The following NCAM2 variants were observed in gnomAD, a reference collection of about 807,000 sequenced individuals.
The protein encoded by NCAM2 is N-CAM-2.
NCAM2 carries 30 observed loss-of-function variants against 98.1 expected under a neutral mutation model. That is an observed-to-expected ratio of 0.31 (90% CI 0.23 to 0.41). NCAM2 has a LOEUF of 0.41. NCAM2 is among the 10% of genes least tolerant of loss of function. The pLI is 1.00. For synonymous variants in NCAM2, 368 were observed against 342.4 expected (o/e 1.07, Z -0.83); for missense variants, 867 against 1,005.8 (o/e 0.86, Z 1.87).
At chr21:21,066,023 AGG>A (rs1309997658) in intron 1 of NCAM2, among the ~76,000 whole-genome samples, 1 of 152,174 alleles carries the variant, frequency 6.6e-6, no homozygotes, top group Admixed American at 6.5e-5. Context: ...TTTACTGAGC[AGG>A]GAGTGTCCTT....
chr21:21,205,656 A>C lies in NCAM2; in HGVS notation c.56-74922A>C, dbSNP rs539781946. ...TTAATTTTTTTTAAGGAAAAACTTT[A>C]AACTTTCAAGAAATGTTAGGAGTGA... On this transcript the variant is annotated intron_variant, in intron 1 of 17. Transcript: ENST00000400546. 4.6e-5 allele frequency among the ~76,000 whole-genome samples: 7 copies of C among 152,296 alleles called. No individual in the cohort carries two copies. The South Asian group carries it at 1.4e-3, about 32-fold the overall frequency.
intron 1 of NCAM2, among the ~76,000 whole-genome samples, chr21:21,032,610 C>T (rs1038964221): frequency 6.6e-6 from 1 of 152,116 alleles, no homozygotes; most frequent in Non-Finnish European, 1.5e-5. Flanking sequence ...CATCTAAATT[C>T]TTCATTTGCC....
In NCAM2 at chr21:21,492,098, T is replaced by G. The variant is rs1779278513; in HGVS notation, c.2077+14627T>G. Among the ~76,000 whole-genome samples, 3 of 151,806 alleles carry G rather than the reference T, an allele frequency of 2.0e-5. No homozygotes were observed. In the South Asian group the frequency reaches 6.2e-4, roughly 31 times the overall value. On this transcript the variant is annotated intron_variant, in intron 15 of 17. Coordinates refer to ENST00000400546, the MANE Select transcript of NCAM2 (RefSeq NM_004540.5). ...GCCATTGTGAAGAAACTAAAGAGAT[T>G]TGAGAAAATCTGAAGCTATTATAAC...
chr21:21,148,677 A>G (rs1001534035), intron 1 of NCAM2, among the ~76,000 whole-genome samples: 1 of 152,180 alleles, frequency 6.6e-6, no homozygotes, highest in African/African-American at 2.4e-5. Context: ...AGAAGTATTC[A>G]TAAGTACTTA....
intron 1 of NCAM2, among the ~76,000 whole-genome samples, chr21:21,068,020 A>G (rs2065476276): frequency 6.6e-6 from 1 of 152,024 alleles, no homozygotes. Flanking sequence ...TAACTTTCTG[A>G]TTGAGGAACT....
At chr21:21,024,416 T>G (rs1250922867) in intron 1 of NCAM2, among the ~76,000 whole-genome samples, 1 of 152,174 alleles carries the variant, frequency 6.6e-6, no homozygotes, top group African/African-American at 2.4e-5. Context: ...ATTGAAGTAT[T>G]TATTTATAAA....
At chr21:21,186,496 G>A (rs1313488214) in intron 1 of NCAM2, among the ~76,000 whole-genome samples, 3 of 152,040 alleles carry the variant, frequency 2.0e-5, no homozygotes, top group African/African-American at 4.8e-5. Flanking sequence ...AGCTAACACT[G>A]CTAATGGATA....
intron 1 of NCAM2, among the ~76,000 whole-genome samples, chr21:21,199,146 C>G (rs2826730): frequency 0.1 from 15,636 of 152,192 alleles, 1,113 homozygotes; most frequent in Non-Finnish European, 0.15. Flanking sequence ...AGAGTCAGTC[C>G]TCCTCCACTT....
At chr21:21,237,913 A>G (rs1347094648) in intron 1 of NCAM2, among the ~76,000 whole-genome samples, 1 of 134,052 alleles carries the variant, frequency 7.5e-6, no homozygotes, top group Admixed American at 7.4e-5. Context: ...AGAATCTTTC[A>G]TTTCTTTGTT....
At chr21:21,038,397 G>A (rs1193542599) in intron 1 of NCAM2, among the ~76,000 whole-genome samples, 1 of 152,116 alleles carries the variant, frequency 6.6e-6, no homozygotes, top group African/African-American at 2.4e-5. Context: ...GTTTGGCTGT[G>A]TCCCCACATA....
At chr21:21,129,714 A>G (rs1303411230) in intron 1 of NCAM2, among the ~76,000 whole-genome samples, 2 of 152,070 alleles carry the variant, frequency 1.3e-5, no homozygotes, top group Non-Finnish European at 1.5e-5. Flanking sequence ...TAATACTATC[A>G]TGTGGGGGAT....
intron 1 of NCAM2, among the ~76,000 whole-genome samples, chr21:21,018,246 A>G (rs555294249): frequency 3.9e-5 from 6 of 152,326 alleles, no homozygotes; most frequent in Admixed American, 2.0e-4. Flanking sequence ...CTCCCAACAC[A>G]CAAGTATCCA....
intron 1 of NCAM2, among the ~76,000 whole-genome samples, chr21:21,095,622 A>C (rs2066105718): frequency 6.6e-6 from 1 of 151,688 alleles, no homozygotes; most frequent in African/African-American, 2.4e-5. Flanking sequence ...AAGATACTTT[A>C]AATATATGCT....
intron 1 of NCAM2, among the ~76,000 whole-genome samples, chr21:21,228,538 C>T (rs1269416346): frequency 6.6e-6 from 1 of 151,046 alleles, no homozygotes; most frequent in African/African-American, 2.4e-5. Context: ...AGTACCTCTT[C>T]ATGAATCATG....
chr21:21,186,151 C>A (rs545854502), intron 1 of NCAM2, among the ~76,000 whole-genome samples: 1 of 151,992 alleles, frequency 6.6e-6, no homozygotes, highest in African/African-American at 2.4e-5. Context: ...TATCGCTAGT[C>A]CCATTATAAA....
At chr21:21,493,405 C>T (rs1986985264) in intron 15 of NCAM2, among the ~76,000 whole-genome samples, 1 of 151,810 alleles carries the variant, frequency 6.6e-6, no homozygotes, top group Admixed American at 6.6e-5. Context: ...TTTTCAAATA[C>T]TTTTAGATTT....
intron 1 of NCAM2, among the ~76,000 whole-genome samples, chr21:21,131,286 G>GGA (rs1184493522): frequency 6.7e-6 from 1 of 149,000 alleles, no homozygotes; most frequent in African/African-American, 2.5e-5. Context: ...TTCTGGGGGG[G>GGA]GGCTTTAATT....
intron 9 of NCAM2, among the ~76,000 whole-genome samples, chr21:21,389,079 AGTCT>A (rs796724182): frequency 3.9e-4 from 60 of 152,298 alleles, no homozygotes; most frequent in African/African-American, 1.4e-3. Context: ...GAACTGTACG[AGTCT>A]GTTCTCACGT....
intron 1 of NCAM2, among the ~76,000 whole-genome samples, chr21:21,011,444 T>TC (rs1410322062): frequency 1.3e-5 from 2 of 151,762 alleles, no homozygotes; most frequent in Non-Finnish European, 1.5e-5. Flanking sequence ...TGGCCAATTC[T>TC]CCCCCCGCCT....
Sources: allele counts gnomAD v4.1 joint callset (sites outside exome capture counted in the v4.1 genomes callset), GRCh38; gene constraint gnomAD v4.1.1; transcripts MANE v1.5; gene names NCBI Gene and HGNC (gene_info 2026-07-23, HGNC 2026-07-21).